Variants in PRKCQ observed in about 807,000 individuals in gnomAD.
PRKCQ encodes the protein protein kinase C theta, also known as protein kinase C theta type.
Under a neutral mutation model 91.2 loss-of-function variants are expected in PRKCQ, and 41 were observed. That is an observed-to-expected ratio of 0.45 (90% confidence interval 0.35 to 0.58). PRKCQ has a LOEUF of 0.58. PRKCQ is among the 20% of genes least tolerant of loss of function. The pLI is 0.00. For missense variants in PRKCQ, 673 were observed against 896.5 expected (o/e 0.75, Z 3.18); for synonymous variants, 307 against 316.9 (o/e 0.97, Z 0.33).
chr10:6,430,652 G>A lies in PRKCQ; in HGVS notation c.1965+158C>T, dbSNP rs1375760722. 1.2e-4 allele frequency among the ~76,000 whole-genome samples: 18 copies of A among 152,194 alleles called. No individual in the cohort carries two copies. Among genetic ancestry groups the A allele is most frequent in the Admixed American group, 1.2e-3 (18 of 15,276 alleles). ...CTCCCCTCCCTGCCCCACCAGCCCA[G>A]TAACATGTGTTAGAGACGTGCATTC... On this transcript the variant is annotated intron_variant, in intron 17 of 17. Coordinates refer to ENST00000263125, the MANE Select transcript of PRKCQ (RefSeq NM_006257.5). The surrounding 1 kb of genome is among the most constrained non-coding windows in gnomAD (Gnocchi z 4.7).
chr10:6,557,359 C>T (rs140622304), intron 1 of PRKCQ, among the ~76,000 whole-genome samples: 14 of 152,246 alleles, frequency 9.2e-5, no homozygotes, highest in African/African-American at 3.1e-4. Flanking sequence ...GTTCCAGAGA[C>T]CTTTCTCTAT....
chr10:6,500,638 A>AT (rs1194615223), intron 4 of PRKCQ, among the ~76,000 whole-genome samples: 4 of 151,674 alleles, frequency 2.6e-5, no homozygotes, highest in African/African-American at 4.8e-5. Flanking sequence ...GAATTCTTTA[A>AT]TTTTTTTTGT....
intron 1 of PRKCQ, among the ~76,000 whole-genome samples, chr10:6,572,998 G>GT (rs943264927): frequency 3.9e-5 from 6 of 151,918 alleles, no homozygotes; most frequent in African/African-American, 1.5e-4. Context: ...GATATTGAGG[G>GT]TTTTTTTTCC....
chr10:6,530,367 T>C (rs1839347876), intron 1 of PRKCQ, among the ~76,000 whole-genome samples: 1 of 152,208 alleles, frequency 6.6e-6, no homozygotes, highest in African/African-American at 2.4e-5. Context: ...CACACCCCAC[T>C]TCCTCCCGCG....
At chr10:6,503,831 C>T (rs1284616572) in intron 4 of PRKCQ, among the ~76,000 whole-genome samples, 1 of 152,164 alleles carries the variant, frequency 6.6e-6, no homozygotes, top group Non-Finnish European at 1.5e-5. Flanking sequence ...GGCTAGAGTG[C>T]AGTGGCACTA....
chr10:6,428,060 A>G lies in PRKCQ; in HGVS notation c.*147T>C, dbSNP rs1259003548. 3.1e-6 allele frequency: 3 copies of G among 976,866 alleles called. No homozygotes were observed. The highest frequency in any genetic ancestry group is 1.5e-6 in the Non-Finnish European group (1 of 663,090). The allele number at this position is 976,866 out of a possible 1,614,324, so 60.5% of individuals were successfully genotyped here. ...AGTAGACTTGGTTTCTGCTACAGATAAAAGTCACATGGGGGCGAACGGGTC... is the reference window on the plus strand; with the variant it reads ...AGTAGACTTGGTTTCTGCTACAGATGAAAGTCACATGGGGGCGAACGGGTC... On this transcript the variant is annotated 3_prime_UTR_variant, in exon 18 of 18. Transcript: ENST00000263125.
In PRKCQ at chr10:6,511,658, A is replaced by G. The variant is rs535077605; in HGVS notation, c.119-464T>C. Among the ~76,000 whole-genome samples, 31 of 152,330 alleles carry G rather than the reference A, an allele frequency of 2.0e-4. No individual in the cohort carries two copies. The South Asian group carries it at 6.0e-3, about 30-fold the overall frequency. On this transcript the variant is annotated intron_variant, in intron 2 of 17. Transcript: ENST00000263125. Reference sequence around the variant, plus strand: ...CAGGGAAGAAATGTAACTTTGTATGAGAAAACAGGAACTTGGGAGGGGTAA... The same window carrying G: ...CAGGGAAGAAATGTAACTTTGTATGGGAAAACAGGAACTTGGGAGGGGTAA...
chr10:6,433,030 T>A (rs1458635542), intron 16 of PRKCQ, among the ~76,000 whole-genome samples: 4 of 152,220 alleles, frequency 2.6e-5, no homozygotes, highest in African/African-American at 7.2e-5. Context: ...CAAGTCATAT[T>A]CAGGATTGAT....
At chr10:6,424,441 C>T (rs1159017058), downstream of PRKCQ, among the ~76,000 whole-genome samples, 1 of 152,194 alleles carries the variant, frequency 6.6e-6, no homozygotes, top group Non-Finnish European at 1.5e-5. Flanking sequence ...TCCTCTCCTT[C>T]CGCAGTCCGA....
intron 1 of PRKCQ, among the ~76,000 whole-genome samples, chr10:6,553,506 A>AT (rs764566256): frequency 0.52 from 38,180 of 73,060 alleles, 6,764 homozygotes; most frequent in East Asian, 0.61. Context: ...AAAAAAAAAA[A>AT]AAAAAAAAAA....
In PRKCQ at chr10:6,507,482, A is replaced by C. The variant is rs776395925; in HGVS notation, c.333T>G (p.Pro111=). The part of the protein sequence containing the change: ...GKTEIWLELK[P]QGRMLMNARY... ...TTGCATTCATTAGCATTCGGCCTTG[A>C]GGTTTCAGCTCTAACTGGTTGGGAG... Residue 111 remains proline (P), a synonymous_variant, in exon 4 of 18, where the codon CCT becomes CCG. Coordinates refer to ENST00000263125, the MANE Select transcript of PRKCQ (RefSeq NM_006257.5). 6.2e-7 allele frequency: 1 copy of C among 1,613,692 alleles called. No individual in the cohort carries two copies. The highest frequency in any genetic ancestry group is 8.5e-7 in the Non-Finnish European group (1 of 1,179,646).
In PRKCQ at chr10:6,435,010, G is replaced by A. The variant is rs950208797; in HGVS notation, c.1837-4072C>T. Among the ~76,000 whole-genome samples, 6 of 152,144 alleles carry A rather than the reference G, an allele frequency of 3.9e-5. No homozygotes were observed. The South Asian group carries it at 6.2e-4, about 16-fold the overall frequency. Reference sequence around the variant, plus strand: ...GCTCACTGCAAGCTCCGCCTCCCGCGTTCATGCCATTCTCTTGCCTCAGCC... The same window carrying A: ...GCTCACTGCAAGCTCCGCCTCCCGCATTCATGCCATTCTCTTGCCTCAGCC... On this transcript the variant is annotated intron_variant, in intron 16 of 17. Coordinates refer to ENST00000263125, the MANE Select transcript of PRKCQ (RefSeq NM_006257.5).
chr10:6,433,715 C>T (rs1331169284), intron 16 of PRKCQ, among the ~76,000 whole-genome samples: 1 of 152,092 alleles, frequency 6.6e-6, no homozygotes, highest in Admixed American at 6.6e-5. Flanking sequence ...GGAGTCATCA[C>T]ATGGAGCTGA....
chr10:6,474,972 C>T (rs1836195314), intron 12 of PRKCQ, among the ~76,000 whole-genome samples: 1 of 151,986 alleles, frequency 6.6e-6, no homozygotes, highest in Non-Finnish European at 1.5e-5. Context: ...ATATTAACAA[C>T]AAAGAAATGT....
intron 1 of PRKCQ, among the ~76,000 whole-genome samples, chr10:6,518,658 CAA>C (rs1199461309): frequency 1.3e-5 from 2 of 151,834 alleles, no homozygotes; most frequent in East Asian, 3.9e-4. Context: ...CCCCTCTCTA[CAA>C]AAATACAGCA....
chr10:6,482,539 C>T (rs1178189807), intron 11 of PRKCQ, among the ~76,000 whole-genome samples: 1 of 152,142 alleles, frequency 6.6e-6, no homozygotes, highest in Non-Finnish European at 1.5e-5. Flanking sequence ...AAGAAACAAC[C>T]CAGACAACAC....
At position 6,568,297 on chromosome 10, in the gene PRKCQ, TGAA is replaced by T. The variant is rs1221930772; in HGVS notation, c.-10+11911_-10+11913del. Among the ~76,000 whole-genome samples, 5 of 152,304 alleles carry T rather than the reference TGAA, an allele frequency of 3.3e-5. No homozygotes were observed. The East Asian group carries it at 5.8e-4, about 18-fold the overall frequency. Reference sequence around the variant, plus strand: ...AACAAAAAAAATTATGATTTTGTTTTGAAGAAGACTTAAAATATCTTTTCATTT... The same window carrying T: ...AACAAAAAAAATTATGATTTTGTTTTGAAGACTTAAAATATCTTTTCATTT... On this transcript the variant is annotated intron_variant, in intron 1 of 17. Transcript: ENST00000263125.
Position 6,467,331 on chromosome 10 carries a change from C to G in PRKCQ, c.1354-2927G>C, listed in dbSNP as rs1448361416. ...AGAGAGAGAGAGAGACAGAGAGAGA[C>G]AGACAGAGAGAGAGAGAGAGAGAGA... On this transcript the variant is annotated intron_variant, in intron 12 of 17. Transcript: ENST00000263125. Among the ~76,000 whole-genome samples, 157 of 107,160 alleles carry G rather than the reference C, an allele frequency of 1.5e-3. 1 individual carries two copies. The highest frequency in any genetic ancestry group is 5.5e-3 in the African/African-American group (152 of 27,590). The allele number at this position is 107,160 out of a possible 152,430, so 70.3% of individuals were successfully genotyped here.
At chr10:6,404,707 TTC>T in the PRKCQ span, among the ~76,000 whole-genome samples, 1 of 149,870 alleles carries the variant, frequency 6.7e-6, no homozygotes, top group Non-Finnish European at 1.5e-5. Context: ...CCTTTTTTCT[TTC>T]TTTCTCTCTC....
Sources: allele counts gnomAD v4.1 joint callset (sites outside exome capture counted in the v4.1 genomes callset), GRCh38; gene constraint gnomAD v4.1.1; non-coding constraint Gnocchi (gnomAD v3.1); transcripts MANE v1.5; gene names NCBI Gene and HGNC (gene_info 2026-07-23, HGNC 2026-07-21).